The following KALRN variants were observed in gnomAD, a reference collection of about 807,000 sequenced individuals.
KALRN encodes kalirin.
A neutral mutation model predicts 353.7 loss-of-function variants in KALRN; 70 were observed. The ratio of observed to expected loss-of-function variants is 0.20; its 90% CI spans 0.16 to 0.24. KALRN has a LOEUF of 0.24. KALRN is among the 10% of genes least tolerant of loss of function. The probability of loss-of-function intolerance (pLI) is 1.00; values close to 1 mark genes in which losing one functional copy is unlikely to be tolerated. For synonymous variants in KALRN, 1,391 were observed against 1,434.8 expected (o/e 0.97, Z 0.69); for missense variants, 2,791 against 3,756.7 (o/e 0.74, Z 6.72).
chr3:124,612,296 C>T (rs933757761), intron 34 of KALRN, among the ~76,000 whole-genome samples: 3 of 152,298 alleles, frequency 2.0e-5, no homozygotes, highest in East Asian at 1.9e-4. Context: ...CTCTGCCTCC[C>T]GGATTCAAGC....
chr3:124,218,335 C>A (rs1262098674), intron 1 of KALRN, among the ~76,000 whole-genome samples: 1 of 152,096 alleles, frequency 6.6e-6, no homozygotes, highest in Non-Finnish European at 1.5e-5. Context: ...GATGAGGGTC[C>A]CAAGGAGCAA....
intron 10 of KALRN, among the ~76,000 whole-genome samples, chr3:124,371,584 A>T (rs895316599): frequency 3.9e-5 from 6 of 152,214 alleles, no homozygotes; most frequent in Non-Finnish European, 7.3e-5. Context: ...TACAAAAATA[A>T]GGAAACATTT....
chr3:124,089,294 G>A (rs1036571569), intron 1 of KALRN, among the ~76,000 whole-genome samples: 1 of 152,154 alleles, frequency 6.6e-6, no homozygotes, highest in African/African-American at 2.4e-5. Context: ...GGCATGGGAT[G>A]GAGAGAGCAG....
chr3:124,640,940 G>A (rs773108856), intron 37 of KALRN, among the ~76,000 whole-genome samples: 7 of 152,062 alleles, frequency 4.6e-5, no homozygotes, highest in Non-Finnish European at 1.0e-4. Context: ...GGTATTCTTG[G>A]ACTTTACTGA....
At position 124,495,992 on chromosome 3, in the gene KALRN, T is replaced by TATATAC. The variant is rs1561136929; in HGVS notation, c.4833-314_4833-313insCATATA. Among the ~76,000 whole-genome samples the TATATAC allele has an allele frequency of 4.1e-3, 230 of 55,904 alleles. 15 individuals carry two copies. The highest frequency in any genetic ancestry group is 0.022 in the African/African-American group (218 of 9,776). 36.7% of individuals were successfully genotyped at this position (55,904 alleles called of 152,430 possible). ...ATATATATATATATATATATATATA[T>TATATAC]ATATATATATATATATATATACACA... On this transcript the variant is annotated intron_variant, in intron 32 of 59. Coordinates refer to ENST00000682506, the MANE Select transcript of KALRN (RefSeq NM_001388419.1).
At chr3:124,125,932 G>A (rs1385869010) in intron 1 of KALRN, among the ~76,000 whole-genome samples, 1 of 152,132 alleles carries the variant, frequency 6.6e-6, no homozygotes, top group Non-Finnish European at 1.5e-5. Context: ...GCTGCGTCTT[G>A]GTTTGCGTCC....
chr3:124,066,081 G>A (rs2042336588), intron 1 of KALRN, among the ~76,000 whole-genome samples: 2 of 152,114 alleles, frequency 1.3e-5, no homozygotes, highest in Non-Finnish European at 1.5e-5. Flanking sequence ...CAGGGAGAGG[G>A]GCAGCAGGTC....
chr3:124,199,936 C>T (rs1410744472), intron 1 of KALRN, among the ~76,000 whole-genome samples: 1 of 152,168 alleles, frequency 6.6e-6, no homozygotes, highest in Non-Finnish European at 1.5e-5. Context: ...GATGCATGTT[C>T]TTTTGGCAAG....
chr3:124,446,848 T>G lies in KALRN; in HGVS notation c.3515T>G (p.Leu1172Arg), dbSNP rs1466070030. The change falls in exon 21 of 60, where the codon CTG (leucine) becomes CGG (arginine). Residue 1172 changes from leucine to arginine, a missense_variant. This residue lies in a region of KALRN where 268 missense variants were observed against 347.0 expected (regional missense o/e 0.77). Coordinates refer to ENST00000682506, the MANE Select transcript of KALRN (RefSeq NM_001388419.1). ...TGETTEETQELLKEYGEFRVP... is the reference protein window; with the variant it reads ...TGETTEETQERLKEYGEFRVP... Reference sequence around the variant, plus strand: ...GAGACCACAGAGGAGACTCAGGAACTGCTGAAAGAATATGGGGAATTCAGG... The same window carrying G: ...GAGACCACAGAGGAGACTCAGGAACGGCTGAAAGAATATGGGGAATTCAGG... 6 of 1,614,038 alleles carry G rather than the reference T, an allele frequency of 3.7e-6. No homozygotes were observed. In the South Asian group the frequency reaches 6.6e-5, roughly 18 times the overall value.
intron 34 of KALRN, among the ~76,000 whole-genome samples, 176 bp from the exon 35 acceptor site, chr3:124,632,244 G>A (rs1305387421): frequency 6.6e-6 from 1 of 152,154 alleles, no homozygotes; most frequent in Non-Finnish European, 1.5e-5. Context: ...TTTAAAAATT[G>A]AGTGAGCGTT....
At chr3:124,704,941 A>ATCT (rs1217478884) in intron 57 of KALRN, among the ~76,000 whole-genome samples, 1 of 152,220 alleles carries the variant, frequency 6.6e-6, no homozygotes, top group African/African-American at 2.4e-5. Context: ...TCACACCTAA[A>ATCT]TCTGGAATTC....
At chr3:124,349,520 A>G (rs1032251690) in intron 10 of KALRN, among the ~76,000 whole-genome samples, 7 of 152,126 alleles carry the variant, frequency 4.6e-5, no homozygotes, top group South Asian at 2.1e-4. Context: ...ACTTCTTCCA[A>G]TGTGGCCCAG....
intron 33 of KALRN, among the ~76,000 whole-genome samples, chr3:124,540,068 C>T (rs533582257): frequency 6.6e-6 from 1 of 152,054 alleles, no homozygotes; most frequent in Non-Finnish European, 1.5e-5. Flanking sequence ...TGCCACCACA[C>T]CCGGCTAATT....
chr3:124,289,846 T>C (rs1233884146), intron 5 of KALRN, among the ~76,000 whole-genome samples: 1 of 152,232 alleles, frequency 6.6e-6, no homozygotes, highest in East Asian at 1.9e-4. Flanking sequence ...TGAAGGCTCT[T>C]GGCACAGGCA....
chr3:124,495,961 G>A (rs9840723), intron 32 of KALRN, among the ~76,000 whole-genome samples: 9,124 of 36,078 alleles, frequency 0.25, 1,106 homozygotes, highest in South Asian at 0.35. Flanking sequence ...GTATGTGTAT[G>A]TATGTATATA....
At chr3:124,291,571 G>A (rs1447865480) in intron 5 of KALRN, among the ~76,000 whole-genome samples, 1 of 152,204 alleles carries the variant, frequency 6.6e-6, no homozygotes, top group Non-Finnish European at 1.5e-5. Context: ...ACCTGTTCTA[G>A]ATTGTGAGGA....
intron 33 of KALRN, among the ~76,000 whole-genome samples, chr3:124,522,525 C>T (rs1015695752): frequency 3.9e-5 from 6 of 152,090 alleles, no homozygotes; most frequent in African/African-American, 1.4e-4. Flanking sequence ...GTACCAATGC[C>T]CAATTCCTAG....
chr3:124,656,339 G>A (rs765520217), intron 39 of KALRN, among the ~76,000 whole-genome samples: 25 of 152,156 alleles, frequency 1.6e-4, no homozygotes, highest in Non-Finnish European at 2.9e-4. Context: ...GGCCGGGTGC[G>A]GTGGCTCATG....
chr3:124,275,008 A>C (rs570468401), intron 5 of KALRN, among the ~76,000 whole-genome samples: 1 of 152,174 alleles, frequency 6.6e-6, no homozygotes, highest in Non-Finnish European at 1.5e-5. Context: ...TCTTTAACTT[A>C]TCACCCCCAA....
Sources: allele counts gnomAD v4.1 joint callset (sites outside exome capture counted in the v4.1 genomes callset), GRCh38; gene constraint gnomAD v4.1.1; regional missense constraint gnomAD v4.1.1; transcripts MANE v1.5; gene names NCBI Gene and HGNC (gene_info 2026-07-23, HGNC 2026-07-21).